MAPRE1: variants seen among roughly 807,000 people sequenced by gnomAD.
MAPRE1 encodes the protein microtubule-associated protein RP/EB family member 1.
In MAPRE1, 5 loss-of-function variants were observed where a neutral mutation model predicts 32.1. That is an observed-to-expected ratio of 0.16 (90% CI 0.08 to 0.33). The LOEUF (loss-of-function observed/expected upper bound fraction) is 0.33. Ranked by LOEUF, MAPRE1 falls within the 10% of genes least tolerant of loss-of-function variation. The probability of loss-of-function intolerance (pLI) is 1.00; values close to 1 mark genes in which losing one functional copy is unlikely to be tolerated. For synonymous variants in MAPRE1, 122 were observed against 118.9 expected (o/e 1.03, Z -0.17); for missense variants, 209 against 327.2 (o/e 0.64, Z 2.79).
intron 2 of MAPRE1, among the ~76,000 whole-genome samples, chr20:32,831,947 C>CA (rs58685497): frequency 0.085 from 9,476 of 111,482 alleles, 388 homozygotes; most frequent in Non-Finnish European, 0.12. Flanking sequence ...TCGTCCGTTT[C>CA]AAAAAAAAAA....
intron 1 of MAPRE1, among the ~76,000 whole-genome samples, chr20:32,821,453 C>G (rs966640714): frequency 2.0e-5 from 3 of 152,222 alleles, no homozygotes; most frequent in African/African-American, 7.2e-5. Context: ...ACACTTTCTC[C>G]CTGAGGTCCA....
chr20:32,820,513 C>G (rs777606149), intron 1 of MAPRE1, among the ~76,000 whole-genome samples: 26 of 152,118 alleles, frequency 1.7e-4, no homozygotes, highest in Non-Finnish European at 1.9e-4. Flanking sequence ...TCTCAGCTTC[C>G]TCATCTGTAA....
chr20:32,836,291 A>G (rs1215894939), intron 3 of MAPRE1, among the ~76,000 whole-genome samples: 1 of 152,218 alleles, frequency 6.6e-6, no homozygotes, highest in Non-Finnish European at 1.5e-5. Context: ...TGGCCATGCA[A>G]GTTATATAGC....
At chr20:32,839,604 C>T in intron 4 of MAPRE1, 131 bp from the exon 5 acceptor site, 3 of 1,283,690 alleles carry the variant, frequency 2.3e-6, no homozygotes, top group Non-Finnish European at 3.2e-6. Flanking sequence ...CGGGGGCTCT[C>T]TAGCATTGGT....
chr20:32,832,114 C>G (rs550043981), intron 2 of MAPRE1, among the ~76,000 whole-genome samples: 148 of 152,314 alleles, frequency 9.7e-4, no homozygotes, highest in African/African-American at 3.5e-3. Context: ...TGTTGACTTT[C>G]CAAAAATAAC....
At chr20:32,848,482 A>T (rs574360089) in intron 6 of MAPRE1, among the ~76,000 whole-genome samples, 190 bp from the exon 7 acceptor site, 1 of 152,222 alleles carries the variant, frequency 6.6e-6, no homozygotes, top group African/African-American at 2.4e-5. Flanking sequence ...TTGAGGGTAA[A>T]TTTGACTGTG....
intron 4 of MAPRE1, 137 bp from the exon 5 acceptor site, chr20:32,839,598 G>A (rs1042051909): frequency 5.1e-6 from 6 of 1,174,026 alleles, no homozygotes; most frequent in Non-Finnish European, 7.2e-6. Flanking sequence ...TGCATGCGGG[G>A]GCTCTCTAGC....
chr20:32,838,060 G>A (rs145282178), intron 4 of MAPRE1, among the ~76,000 whole-genome samples: 28 of 152,284 alleles, frequency 1.8e-4, no homozygotes, highest in Non-Finnish European at 2.1e-4. Context: ...TGCAGCCTGG[G>A]TGAGAGAGAC....
rs183618581 is a variant in MAPRE1, at chr20:32,833,642, T to C, written c.122-75T>C. The C allele has an allele frequency of 2.2e-6, 3 of 1,352,028 alleles. No individual in the cohort carries two copies. In the Admixed American group the frequency reaches 6.7e-5, roughly 30 times the overall value. 83.8% of individuals were successfully genotyped at this position (1,352,028 alleles called of 1,614,324 possible). A position where few individuals can be genotyped will look rare whatever the true frequency, so the allele number is the denominator to read the frequency against. ...TACTTCACAATTTTAAAAATTGTATTTGGTTTAAGTGGGTCTGGGAAGAAG... is the reference window on the plus strand; with the variant it reads ...TACTTCACAATTTTAAAAATTGTATCTGGTTTAAGTGGGTCTGGGAAGAAG... On this transcript the variant is annotated intron_variant, in intron 2 of 6. Coordinates refer to ENST00000375571, the MANE Select transcript of MAPRE1 (RefSeq NM_012325.3).
chr20:32,835,884 G>A (rs1290507709), intron 3 of MAPRE1, among the ~76,000 whole-genome samples: 1 of 152,020 alleles, frequency 6.6e-6, no homozygotes, highest in Admixed American at 6.6e-5. Context: ...GGGATTACAG[G>A]TGTGAGCCAC....
At chr20:32,820,188 G>T (rs1402118625) in intron 1 of MAPRE1, among the ~76,000 whole-genome samples, 160 bp downstream of exon 1, 5 of 151,470 alleles carry the variant, frequency 3.3e-5, no homozygotes, top group Non-Finnish European at 5.9e-5. Flanking sequence ...CACCCGGCGC[G>T]CGCGGGCTGG....
chr20:32,842,752 T>A (rs1257313819), intron 5 of MAPRE1, among the ~76,000 whole-genome samples: 3 of 152,118 alleles, frequency 2.0e-5, no homozygotes, highest in African/African-American at 7.2e-5. Context: ...TTTGATACAC[T>A]TGGAGAAGAT....
At chr20:32,822,836 A>G (rs1255129532) in intron 1 of MAPRE1, among the ~76,000 whole-genome samples, 1 of 152,178 alleles carries the variant, frequency 6.6e-6, no homozygotes, top group African/African-American at 2.4e-5. Context: ...AAATAACGAG[A>G]TAATGACAAT....
At chr20:32,827,322 C>T (rs542079990) in intron 2 of MAPRE1, among the ~76,000 whole-genome samples, 113 of 152,122 alleles carry the variant, frequency 7.4e-4, no homozygotes, top group African/African-American at 2.6e-3. Context: ...GCAGGAGAAA[C>T]GCTTGAGCCC....
At chr20:32,821,713 T>A (rs1327921197) in intron 1 of MAPRE1, among the ~76,000 whole-genome samples, 2 of 152,248 alleles carry the variant, frequency 1.3e-5, no homozygotes, top group African/African-American at 4.8e-5. Flanking sequence ...TGGCACCTCC[T>A]TCCCCCACTT....
In MAPRE1 at chr20:32,841,991, C is replaced by T. The variant is rs529317411; in HGVS notation, c.597+2135C>T. Among the ~76,000 whole-genome samples the T allele has an allele frequency of 2.0e-5, 3 of 151,450 alleles. No individual in the cohort carries two copies. The East Asian group carries it at 5.8e-4, about 29-fold the overall frequency. ...AGTAGAATAATGTTCTTTAAAAGTT[C>T]ACAGGAACCAGTTTTTTTTTTTGGC... On this transcript the variant is annotated intron_variant, in intron 5 of 6. Transcript: ENST00000375571.
rs1301183397 is a variant in MAPRE1 at position 32,849,918 on chromosome 20, T to A, written c.*1190T>A. 1 of 152,676 alleles carries A rather than the reference T, an allele frequency of 6.5e-6. No individual in the cohort carries two copies. Among genetic ancestry groups the A allele is most frequent in the Non-Finnish European group, 1.5e-5 (1 of 68,052 alleles). The allele number at this position is 152,676 out of a possible 1,614,324, so 9.5% of individuals were successfully genotyped here. A position where few individuals can be genotyped will look rare whatever the true frequency, so the allele number is the denominator to read the frequency against. ...TGTGTTACTAAATGTTAATTTTCTT[T>A]TGCGGAAAATACAGTACCGTGTCTG... On this transcript the variant is annotated 3_prime_UTR_variant, in exon 7 of 7. Transcript: ENST00000375571.
At chr20:32,824,760 A>G (rs1456724860) in intron 1 of MAPRE1, among the ~76,000 whole-genome samples, 1 of 148,452 alleles carries the variant, frequency 6.7e-6, no homozygotes. Context: ...TCAGCCTCCC[A>G]AAGTGCTGGT....
At chr20:32,846,801 C>T (rs149878687) in intron 6 of MAPRE1, 31 bp downstream of exon 6, 2 of 1,609,484 alleles carry the variant, frequency 1.2e-6, no homozygotes, top group Admixed American at 3.3e-5. Context: ...TATTTTCTTT[C>T]CATTTTACAT....
Sources: allele counts gnomAD v4.1 joint callset (sites outside exome capture counted in the v4.1 genomes callset), GRCh38; gene constraint gnomAD v4.1.1; transcripts MANE v1.5; gene names NCBI Gene and HGNC (gene_info 2026-07-23, HGNC 2026-07-21).